IL1RAPL1: variants seen among roughly 807,000 people sequenced by gnomAD.
IL1RAPL1 encodes the protein interleukin 1 receptor accessory protein like 1.
In IL1RAPL1, 3 loss-of-function variants were observed where a neutral mutation model predicts 48.4. The observed-to-expected ratio is 0.06, with a 90% confidence interval of 0.03 to 0.16. IL1RAPL1 has a LOEUF of 0.16. Ranked by LOEUF, IL1RAPL1 falls within the 10% of genes least tolerant of loss-of-function variation. The probability of loss-of-function intolerance (pLI) is 1.00; values close to 1 mark genes in which losing one functional copy is unlikely to be tolerated. For missense variants in IL1RAPL1, 349 were observed against 530.6 expected, an observed-to-expected ratio of 0.66 and a Z score of 3.36; for synonymous variants, 185 against 187.7, an observed-to-expected ratio of 0.99 and a Z score of 0.12.
chrX:29,699,070 AAATT>A (rs1926987386), intron 6 of IL1RAPL1, among the ~76,000 whole-genome samples: 1 of 112,463 alleles, frequency 8.9e-6, no homozygotes, highest in African/African-American at 3.2e-5. Context: ...GACTTTTTAA[AAATT>A]AATTCATCTT....
In IL1RAPL1 at chrX:29,307,660, T is replaced by C. The variant is rs751593850; in HGVS notation, c.362+24443T>C. On this transcript the variant is annotated intron_variant, in intron 3 of 10. Coordinates refer to ENST00000378993, the MANE Select transcript of IL1RAPL1 (RefSeq NM_014271.4). The stretch of plus-strand genomic sequence containing the variant: ...AAGTGGAAAACATTGTCATCATTTG[T>C]ACATTTTTTTCCCTTAATAGAAAGC... Among the ~76,000 whole-genome samples the C allele has an allele frequency of 1.0e-3, 70 of 67,512 alleles. 1 individual carries two copies. The highest frequency in any genetic ancestry group is 3.3e-3 in the African/African-American group (67 of 20,298). 58.6% of individuals were successfully genotyped at this position (67,512 alleles called of 115,157 possible).
chrX:29,598,310 T>G (rs1259836954), intron 5 of IL1RAPL1, among the ~76,000 whole-genome samples: 1 of 112,439 alleles, frequency 8.9e-6, no homozygotes, highest in Non-Finnish European at 1.9e-5. Context: ...GCAGCTTATT[T>G]AACTTCCATG....
At chrX:29,409,820 C>CTTT (rs34018303) in intron 5 of IL1RAPL1, among the ~76,000 whole-genome samples, 6 of 79,358 alleles carry the variant, frequency 7.6e-5, no homozygotes, top group Non-Finnish European at 1.2e-4. Context: ...GTTCTAAATT[C>CTTT]TTTTTTTTTT....
intron 6 of IL1RAPL1, among the ~76,000 whole-genome samples, chrX:29,893,595 T>C (rs1932316685): frequency 9.0e-6 from 1 of 111,506 alleles, no homozygotes; most frequent in Non-Finnish European, 1.9e-5. Flanking sequence ...TCAAAATATA[T>C]ATCATATATA....
At chrX:28,810,209 G>T (rs1486508108) in intron 2 of IL1RAPL1, among the ~76,000 whole-genome samples, 1 of 110,330 alleles carries the variant, frequency 9.1e-6, no homozygotes, top group Non-Finnish European at 1.9e-5. Flanking sequence ...CCATTGGCAT[G>T]TAAATTGTAT....
intron 1 of IL1RAPL1, among the ~76,000 whole-genome samples, chrX:28,778,513 T>G (rs962577431): frequency 4.5e-5 from 5 of 111,986 alleles, no homozygotes; most frequent in Non-Finnish European, 7.5e-5. Flanking sequence ...TGGTATGGGC[T>G]TTTGGAGCTG....
At chrX:29,478,758 C>T (rs1190640420) in intron 5 of IL1RAPL1, among the ~76,000 whole-genome samples, 1 of 110,149 alleles carries the variant, frequency 9.1e-6, no homozygotes. Flanking sequence ...GGTTTCTCAT[C>T]TGCTTTTTCT....
chrX:29,242,575 A>G (rs1337196630), intron 2 of IL1RAPL1, among the ~76,000 whole-genome samples: 4 of 112,607 alleles, frequency 3.6e-5, no homozygotes, highest in Admixed American at 9.4e-5. Flanking sequence ...TTAAGCATCT[A>G]TTATATGTAC....
intron 6 of IL1RAPL1, among the ~76,000 whole-genome samples, chrX:29,716,685 A>G (rs777943025): frequency 1.3e-3 from 140 of 111,859 alleles, no homozygotes; most frequent in African/African-American, 4.3e-3. Context: ...TCTTTTTTAC[A>G]TGAATTAAAC....
rs749299402 is a variant in IL1RAPL1 at position 29,368,940 on chromosome X, T to TTGCTGC, written c.363-27298_363-27293dup. On this transcript the variant is annotated intron_variant, in intron 3 of 10. Transcript: ENST00000378993. ...AGAATCTCAACTGTTCTATCTTCTG[T>TTGCTGC]TGCTGCTGCTGCTGCTGCTGCTGCT... 5 of 118,031 alleles carry TTGCTGC rather than the reference T, an allele frequency of 4.2e-5. No homozygotes were observed. In the South Asian group the frequency reaches 9.3e-4, roughly 22 times the overall value. 9.7% of individuals were successfully genotyped at this position (118,031 alleles called of 1,213,427 possible). A position where few individuals can be genotyped will look rare whatever the true frequency, so the allele number is the denominator to read the frequency against.
At chrX:29,282,722 A>T (rs150141195) in intron 2 of IL1RAPL1, among the ~76,000 whole-genome samples, 7 of 112,358 alleles carry the variant, frequency 6.2e-5, no homozygotes, top group African/African-American at 2.3e-4. Flanking sequence ...CAGCAGAAGC[A>T]GACTCAGTGA....
intron 2 of IL1RAPL1, among the ~76,000 whole-genome samples, chrX:29,025,735 A>G (rs1035708028): frequency 9.0e-6 from 1 of 111,406 alleles, no homozygotes; most frequent in Non-Finnish European, 1.9e-5. Context: ...TCACTACACC[A>G]CGGTGCCTAG....
At chrX:28,676,140 T>A (rs948164444) in intron 1 of IL1RAPL1, among the ~76,000 whole-genome samples, 4 of 111,978 alleles carry the variant, frequency 3.6e-5, no homozygotes, top group African/African-American at 6.5e-5. Flanking sequence ...ATTCTTAATT[T>A]TTTTTTACCA....
chrX:29,955,985 G>A lies in IL1RAPL1; in HGVS notation c.*165G>A, dbSNP rs918923068. On this transcript the variant is annotated 3_prime_UTR_variant, in exon 11 of 11. Transcript: ENST00000378993. ...ATATGTTTTTTGGAATTTCTTTGTA[G>A]CATCAGTGTCCTCCTGTTTTACCAT... is the stretch of plus-strand genomic sequence containing the variant. The A allele has an allele frequency of 1.4e-4, 69 of 477,890 alleles. 1 individual carries two copies. In the Admixed American group the frequency reaches 2.0e-3, roughly 14 times the overall value. The allele number at this position is 477,890 out of a possible 1,213,427, so 39.4% of individuals were successfully genotyped here. A position where few individuals can be genotyped will look rare whatever the true frequency, so the allele number is the denominator to read the frequency against.
intron 2 of IL1RAPL1, among the ~76,000 whole-genome samples, chrX:29,116,917 G>A (rs772465273): frequency 9.0e-6 from 1 of 111,621 alleles, no homozygotes; most frequent in Non-Finnish European, 1.9e-5. Context: ...TCATCTATAT[G>A]TGGTACTGAG....
intron 5 of IL1RAPL1, among the ~76,000 whole-genome samples, chrX:29,564,194 C>T (rs1057127629): frequency 9.0e-6 from 1 of 111,651 alleles, no homozygotes; most frequent in African/African-American, 3.3e-5. Flanking sequence ...CCCAGTTGAC[C>T]AGAAAGTGTT....
intron 2 of IL1RAPL1, among the ~76,000 whole-genome samples, chrX:29,012,531 C>T (rs780903176): frequency 4.2e-4 from 47 of 111,053 alleles, no homozygotes; most frequent in Non-Finnish European, 7.2e-4. Flanking sequence ...GCAACAAGAG[C>T]GAAGCTGTGT....
At chrX:29,471,832 A>G (rs1934925493) in intron 5 of IL1RAPL1, among the ~76,000 whole-genome samples, 1 of 111,196 alleles carries the variant, frequency 9.0e-6, no homozygotes, top group Admixed American at 9.5e-5. Flanking sequence ...GGTTTCTTTC[A>G]CTTATCATCA....
chrX:29,280,314 G>A (rs1932181470), intron 2 of IL1RAPL1, among the ~76,000 whole-genome samples: 3 of 111,611 alleles, frequency 2.7e-5, no homozygotes, highest in Non-Finnish European at 3.8e-5. Context: ...GACATTGATG[G>A]TGCCCACCAA....
Sources: gnomAD v4.1 joint callset for allele counts (sites outside exome capture counted in the v4.1 genomes callset) on GRCh38, gnomAD v4.1.1 for gene constraint, MANE v1.5 for transcripts, NCBI Gene and HGNC (gene_info 2026-07-23, HGNC 2026-07-21) for gene names.